The following MASP1 variants were observed in gnomAD, a reference collection of about 807,000 sequenced individuals.
The protein encoded by MASP1 is MBL associated serine protease 1, also known as mannan-binding lectin serine protease 1.
A neutral mutation model predicts 77.1 loss-of-function variants in MASP1; 59 were observed. The ratio of observed to expected loss-of-function variants is 0.77; its 90% confidence interval spans 0.62 to 0.95. The LOEUF (loss-of-function observed/expected upper bound fraction) is 0.95, where lower values mean the gene tolerates loss of function less well. MASP1 is among the 40% of genes least tolerant of loss of function. The pLI is 0.00. For synonymous variants in MASP1, 362 were observed against 354.5 expected (o/e 1.02, Z -0.24); for missense variants, 885 against 912.9 (o/e 0.97, Z 0.39).
Position 187,262,612 on chromosome 3 carries a change from T to A in MASP1, c.346A>T (p.Ile116Phe), listed in dbSNP as rs754494442. The A allele has an allele frequency of 6.2e-7, 1 of 1,614,094 alleles. No homozygotes were observed. The highest frequency in any genetic ancestry group is 8.5e-7 in the Non-Finnish European group (1 of 1,180,004). ...TTGGAGAAATCTGACCGGAAAGTGA[T>A]GGACATGAAGGAGCCAGGGGAGAGG... ...VVLSPGSFMS[I>F]TFRSDFSNEE... The change falls in exon 3 of 11, where the codon ATC (isoleucine) becomes TTC (phenylalanine). Residue 116 changes from isoleucine (I) to phenylalanine (F), a missense_variant. Ile to Phe is a conservative substitution (Grantham distance 21). Transcript: ENST00000296280.
chr3:187,291,072 GA>G (rs1358687556), intron 1 of MASP1, among the ~76,000 whole-genome samples: 4 of 151,676 alleles, frequency 2.6e-5, no homozygotes, highest in Admixed American at 6.6e-5. Context: ...ATTTCAATGA[GA>G]AATGCAGAAA....
chr3:187,237,842 A>G (rs923058454), intron 10 of MASP1, among the ~76,000 whole-genome samples: 1 of 152,224 alleles, frequency 6.6e-6, no homozygotes, highest in Non-Finnish European at 1.5e-5. Flanking sequence ...ACAATCCTTT[A>G]GACATCATGG....
intron 13 of MASP1, among the ~76,000 whole-genome samples, chr3:187,223,544 A>AT: frequency 6.6e-6 from 1 of 152,336 alleles, no homozygotes; most frequent in East Asian, 1.9e-4. Context: ...GTAGGTGCTC[A>AT]ATCAAGAACA....
intron 10 of MASP1, among the ~76,000 whole-genome samples, chr3:187,238,401 G>T (rs1354509529): frequency 6.6e-6 from 1 of 152,184 alleles, no homozygotes; most frequent in African/African-American, 2.4e-5. Context: ...TTTTCTCCTT[G>T]ATGTGTTCTT....
At chr3:187,263,584 A>G (rs113600967) in intron 2 of MASP1, among the ~76,000 whole-genome samples, 192 of 152,350 alleles carry the variant, frequency 1.3e-3, no homozygotes, top group African/African-American at 3.8e-3. Flanking sequence ...TTTAAGCAGG[A>G]AAGTCATGTA....
intron 5 of MASP1, among the ~76,000 whole-genome samples, chr3:187,255,399 T>C (rs569629845): frequency 4.6e-5 from 7 of 152,350 alleles, no homozygotes; most frequent in South Asian, 2.1e-4. Context: ...ATCTTGGAAG[T>C]TGATTCTTCT....
chr3:187,252,927 T>G (rs1019174471), intron 6 of MASP1, among the ~76,000 whole-genome samples: 3 of 152,224 alleles, frequency 2.0e-5, no homozygotes, highest in African/African-American at 7.2e-5. Flanking sequence ...TATGCGATAC[T>G]GAAGTACATG....
intron 2 of MASP1, among the ~76,000 whole-genome samples, chr3:187,269,368 G>T (rs147597205): frequency 1.3e-5 from 2 of 152,188 alleles, no homozygotes; most frequent in Non-Finnish European, 2.9e-5. Context: ...AGCTATATCC[G>T]CTTGGACTAG....
chr3:187,251,412 TAAA>T (rs11454655), intron 7 of MASP1: 95 of 456,440 alleles, frequency 2.1e-4, no homozygotes, highest in East Asian at 2.9e-4. Flanking sequence ...ATGCTCTGAT[TAAA>T]AAAAAAAAAA....
chr3:187,272,286 A>G (rs1024593079), intron 2 of MASP1, among the ~76,000 whole-genome samples: 5 of 151,998 alleles, frequency 3.3e-5, no homozygotes, highest in East Asian at 1.9e-4. Flanking sequence ...ATTGTTTTCA[A>G]TTTGTTAGGT....
chr3:187,283,056 G>A (rs1579587574), intron 2 of MASP1, among the ~76,000 whole-genome samples: 2 of 152,076 alleles, frequency 1.3e-5, no homozygotes, highest in Non-Finnish European at 2.9e-5. Flanking sequence ...TGTCATTTGG[G>A]GAGTTAGTGA....
intron 1 of MASP1, among the ~76,000 whole-genome samples, chr3:187,288,486 G>A (rs868225134): frequency 1.3e-5 from 2 of 152,172 alleles, no homozygotes; most frequent in Non-Finnish European, 2.9e-5. Flanking sequence ...GGTCATGGGA[G>A]GTCTTGTTTC....
At chr3:187,226,380 G>A in intron 12 of MASP1, 2 of 1,523,006 alleles carry the variant, frequency 1.3e-6, no homozygotes, top group African/African-American at 1.4e-5. Context: ...CTGGCTTTGG[G>A]AGTCAGCTTG....
chr3:187,226,101 G>T (rs12487320), intron 12 of MASP1: 184 of 412,506 alleles, frequency 4.5e-4, no homozygotes, highest in Non-Finnish European at 7.6e-4. Context: ...AATCTGGATC[G>T]TATATGTATG....
Position 187,250,328 on chromosome 3 carries a change from T to C in MASP1, c.1013A>G (p.Asp338Gly), listed in dbSNP as rs769585435. 3.1e-6 allele frequency: 5 copies of C among 1,611,350 alleles called. No homozygotes were observed. The highest frequency in any genetic ancestry group is 4.2e-6 in the Non-Finnish European group (5 of 1,177,462). ...SCDTGYKVLK[D>G]NVEMDTFQIE... is the part of the protein sequence containing the mutation. Reference sequence around the variant, plus strand: ...CTGGAATGTGTCCATCTCCACATTATCCTGGGAAGAGACAGGAAGAAGGGA... The same window carrying C: ...CTGGAATGTGTCCATCTCCACATTACCCTGGGAAGAGACAGGAAGAAGGGA... The change falls in exon 8 of 11, where the codon GAT becomes GGT. Residue 338 changes from aspartate (D) to glycine (G), a missense_variant and splice_region_variant. Transcript: ENST00000296280.
chr3:187,256,489 C>T (rs1715086588), intron 5 of MASP1, 175 bp downstream of exon 5: 4 of 689,376 alleles, frequency 5.8e-6, no homozygotes, highest in Admixed American at 2.2e-5. Flanking sequence ...ATCAGAGATT[C>T]CTGGAATAGA....
intron 2 of MASP1, among the ~76,000 whole-genome samples, chr3:187,266,266 T>C (rs1716011099): frequency 1.3e-5 from 2 of 152,256 alleles, no homozygotes; most frequent in African/African-American, 4.8e-5. Context: ...ATGTGTGTAC[T>C]AAGTTCTGTC....
chr3:187,277,490 T>C (rs533938059), intron 2 of MASP1, among the ~76,000 whole-genome samples: 2 of 152,350 alleles, frequency 1.3e-5, no homozygotes, highest in Non-Finnish European at 2.9e-5. Context: ...CTAGACAATA[T>C]AGGGACCCTC....
At chr3:187,239,398 A>G (rs1224856458) in intron 10 of MASP1, among the ~76,000 whole-genome samples, 1 of 152,156 alleles carries the variant, frequency 6.6e-6, no homozygotes, top group Non-Finnish European at 1.5e-5. Flanking sequence ...CTGATGCTTT[A>G]CTTCTGAGGT....
Sources: gnomAD v4.1 joint callset for allele counts (sites outside exome capture counted in the v4.1 genomes callset) on GRCh38, gnomAD v4.1.1 for gene constraint, MANE v1.5 for transcripts, NCBI Gene and HGNC (gene_info 2026-07-23, HGNC 2026-07-21) for gene names.